The following PDE5A variants were observed in gnomAD, a reference collection of about 807,000 sequenced individuals.
PDE5A encodes phosphodiesterase 5A, also known as cGMP-specific 3',5'-cyclic phosphodiesterase.
PDE5A carries 67 observed loss-of-function variants against 110.2 expected under a neutral mutation model. The ratio of observed to expected loss-of-function variants is 0.61; its 90% CI spans 0.50 to 0.75. The LOEUF (loss-of-function observed/expected upper bound fraction) is 0.75, where lower values mean the gene tolerates loss of function less well. PDE5A is among the 30% of genes least tolerant of loss of function. The probability of loss-of-function intolerance (pLI) is 0.00; values close to 1 mark genes in which losing one functional copy is unlikely to be tolerated. For missense variants in PDE5A, 862 were observed against 1,045.1 expected (o/e 0.82, Z 2.42); for synonymous variants, 328 against 351.2 (o/e 0.93, Z 0.74).
chr4:119,560,415 C>A, intron 6 of PDE5A, 52 bp from the exon 7 acceptor site: 1 of 1,168,656 alleles, frequency 8.6e-7, no homozygotes, highest in Admixed American at 2.0e-5. Flanking sequence ...GTAATGAAAA[C>A]TATCTAGATA....
chr4:119,562,729 G>T, intron 6 of PDE5A, 104 bp downstream of exon 6: 1 of 924,248 alleles, frequency 1.1e-6, no homozygotes, highest in Non-Finnish European at 1.6e-6. Flanking sequence ...ACACATTTGG[G>T]TTTGAGAGAG....
At chr4:119,574,873 G>A (rs1388934007) in intron 3 of PDE5A, among the ~76,000 whole-genome samples, 1 of 152,220 alleles carries the variant, frequency 6.6e-6, no homozygotes, top group Non-Finnish European at 1.5e-5. Context: ...CATGGGTGGT[G>A]AGGACTGATT....
At chr4:119,546,171 TTGA>T (rs1270969449) in intron 9 of PDE5A, among the ~76,000 whole-genome samples, 1 of 152,162 alleles carries the variant, frequency 6.6e-6, no homozygotes, top group Non-Finnish European at 1.5e-5. Context: ...TACCCATTCT[TTGA>T]TGATCTGAAT....
intron 9 of PDE5A, among the ~76,000 whole-genome samples, chr4:119,544,238 T>C (rs1419581316): frequency 6.6e-6 from 1 of 152,184 alleles, no homozygotes; most frequent in Non-Finnish European, 1.5e-5. Context: ...TTTGCTCTTT[T>C]TGTTTGTTTA....
chr4:119,625,570 G>A (rs1350972035), intron 1 of PDE5A, among the ~76,000 whole-genome samples: 3 of 152,076 alleles, frequency 2.0e-5, no homozygotes, highest in Non-Finnish European at 2.9e-5. Flanking sequence ...GCAGATGGAC[G>A]ATCTGGGTGA....
intron 2 of PDE5A, among the ~76,000 whole-genome samples, chr4:119,601,807 C>T (rs775179238): frequency 5.9e-5 from 9 of 152,220 alleles, no homozygotes; most frequent in South Asian, 2.1e-4. Context: ...ATTAAATAGT[C>T]GTTGCTTAGT....
At chr4:119,551,371 G>T (rs1727349137) in intron 9 of PDE5A, among the ~76,000 whole-genome samples, 1 of 152,178 alleles carries the variant, frequency 6.6e-6, no homozygotes, top group Admixed American at 6.5e-5. Context: ...CACTGGAAAA[G>T]AAAGTAATCA....
chr4:119,604,696 C>T (rs962084561), intron 2 of PDE5A, among the ~76,000 whole-genome samples: 5 of 152,124 alleles, frequency 3.3e-5, no homozygotes, highest in African/African-American at 7.2e-5. Context: ...CCCCAAATCC[C>T]GGCCCTCGGT....
chr4:119,612,040 G>T (rs1434910476), intron 1 of PDE5A, among the ~76,000 whole-genome samples: 1 of 152,134 alleles, frequency 6.6e-6, no homozygotes, highest in Non-Finnish European at 1.5e-5. Flanking sequence ...CAAATCACCT[G>T]CAAATTGAAA....
At chr4:119,625,797 C>T (rs1730325835) in intron 1 of PDE5A, among the ~76,000 whole-genome samples, 2 of 152,096 alleles carry the variant, frequency 1.3e-5, no homozygotes, top group African/African-American at 4.8e-5. Context: ...AAATGTGAAC[C>T]ACACTGGGGT....
At chr4:119,523,827 C>T (rs189794892) in intron 12 of PDE5A, among the ~76,000 whole-genome samples, 185 of 152,098 alleles carry the variant, frequency 1.2e-3, no homozygotes, top group Admixed American at 3.2e-3. Context: ...TTATTAGTTT[C>T]AAGAATGGGA....
At chr4:119,578,795 A>G (rs1578794520) in intron 3 of PDE5A, among the ~76,000 whole-genome samples, 1 of 152,216 alleles carries the variant, frequency 6.6e-6, no homozygotes, top group African/African-American at 2.4e-5. Context: ...CTTCATGTCT[A>G]AAACACCAAA....
At chr4:119,523,659 A>G (rs1303256782) in intron 12 of PDE5A, among the ~76,000 whole-genome samples, 2 of 152,090 alleles carry the variant, frequency 1.3e-5, no homozygotes, top group Admixed American at 1.3e-4. Flanking sequence ...ACTGGTAAGA[A>G]TAAAGATTTC....
chr4:119,521,143 C>A, intron 12 of PDE5A, 83 bp from the exon 13 acceptor site: 1 of 1,313,780 alleles, frequency 7.6e-7, no homozygotes, highest in East Asian at 2.5e-5. Flanking sequence ...ACAAAGCATT[C>A]ACATTTAGCC....
chr4:119,585,547 G>A (rs1272378758), intron 3 of PDE5A, among the ~76,000 whole-genome samples: 1 of 152,140 alleles, frequency 6.6e-6, no homozygotes, highest in African/African-American at 2.4e-5. Flanking sequence ...TTAATGAGCA[G>A]AGTTCCTCTT....
chr4:119,508,337 C>A (rs1372420864), intron 15 of PDE5A, among the ~76,000 whole-genome samples: 1 of 151,898 alleles, frequency 6.6e-6, no homozygotes, highest in Non-Finnish European at 1.5e-5. Context: ...ACTATGTAAC[C>A]ATTTTTTATT....
At chr4:119,578,996 AAAAC>A (rs1235406459) in intron 3 of PDE5A, among the ~76,000 whole-genome samples, 4 of 152,064 alleles carry the variant, frequency 2.6e-5, no homozygotes, top group Admixed American at 6.6e-5. Flanking sequence ...TTACAAGAAA[AAAAC>A]AAACAACCCC....
Position 119,562,847 on chromosome 4 carries a change from C to A in PDE5A, c.1117G>T (p.Asp373Tyr). Reference protein sequence around the residue: ...QVQKCTIFIVDEDCSDSFSSV... With the variant: ...QVQKCTIFIVYEDCSDSFSSV... ...TCTGTACTCACGGAGCAATCTTCAT[C>A]CACTATGAAAATGGTGCATTTCTGC... Residue 373 changes from aspartate to tyrosine, a missense_variant, in exon 6 of 21, where the codon GAT (aspartate) becomes TAT (tyrosine). By Grantham distance (160) the Asp-to-Tyr change is radical (BLOSUM62 -3). Transcript: ENST00000354960. 6.4e-7 allele frequency: 1 copy of A among 1,572,736 alleles called. No homozygotes were observed. Among genetic ancestry groups the A allele is most frequent in the Non-Finnish European group, 8.6e-7 (1 of 1,165,156 alleles).
chr4:119,568,274 G>A (rs1403686710), intron 3 of PDE5A, among the ~76,000 whole-genome samples: 2 of 152,052 alleles, frequency 1.3e-5, no homozygotes, highest in Non-Finnish European at 2.9e-5. Context: ...CTCTTGAAAA[G>A]AGTGGCAGAT....
Sources: gnomAD v4.1 joint callset for allele counts (sites outside exome capture counted in the v4.1 genomes callset) on GRCh38, gnomAD v4.1.1 for gene constraint, MANE v1.5 for transcripts, NCBI Gene and HGNC (gene_info 2026-07-23, HGNC 2026-07-21) for gene names.